Variants in TOX3 observed in about 807,000 individuals in gnomAD.
TOX3 encodes CAG trinucleotide repeat-containing gene F9 protein.
A neutral mutation model predicts 64.3 loss-of-function variants in TOX3; 22 were observed. The ratio of observed to expected loss-of-function variants is 0.34; its 90% CI spans 0.24 to 0.49. The LOEUF is 0.49. TOX3 is among the 20% of genes least tolerant of loss of function. The pLI is 0.99. For missense variants in TOX3, 661 were observed against 714.4 expected (o/e 0.93, Z 0.85); for synonymous variants, 291 against 273.6 (o/e 1.06, Z -0.63).
At chr16:52,537,878 T>TAAAAAAAAAAAAAAAAAAAA (rs57403617) in intron 1 of TOX3, among the ~76,000 whole-genome samples, 29 of 110,958 alleles carry the variant, frequency 2.6e-4, no homozygotes, top group South Asian at 6.1e-4. Context: ...GCTGATATGA[T>TAAAAAAAAAAAAAAAAAAAA]AAAAAAAAAA....
chr16:52,494,998 AC>A (rs1961802369), intron 1 of TOX3, among the ~76,000 whole-genome samples: 1 of 152,172 alleles, frequency 6.6e-6, no homozygotes, highest in African/African-American at 2.4e-5. Flanking sequence ...CAGGCTTACT[AC>A]CTGCTGTGGG....
intron 1 of TOX3, among the ~76,000 whole-genome samples, chr16:52,510,671 G>A (rs45562631): frequency 0.016 from 2,302 of 147,250 alleles, 31 homozygotes; most frequent in South Asian, 0.029. Context: ...CAGGAGAACC[G>A]CTTGAACCTG....
chr16:52,457,480 A>G (rs1305522689), intron 3 of TOX3, among the ~76,000 whole-genome samples: 2 of 152,188 alleles, frequency 1.3e-5, no homozygotes, highest in African/African-American at 4.8e-5. Context: ...GAAGCAACTA[A>G]CCCAAATATA....
chr16:52,504,817 GA>G (rs1962115167), intron 1 of TOX3, among the ~76,000 whole-genome samples: 1 of 135,700 alleles, frequency 7.4e-6, no homozygotes, highest in Non-Finnish European at 1.6e-5. Flanking sequence ...ATTTAAAGAA[GA>G]GGGTCTTTTT....
intron 3 of TOX3, among the ~76,000 whole-genome samples, chr16:52,458,514 T>C (rs1188600086): frequency 6.6e-6 from 1 of 152,216 alleles, no homozygotes; most frequent in East Asian, 1.9e-4. Flanking sequence ...AGTACTACAA[T>C]ACTTAACTGT....
At chr16:52,485,494 G>C (rs528326599) in intron 1 of TOX3, among the ~76,000 whole-genome samples, 1 of 151,784 alleles carries the variant, frequency 6.6e-6, no homozygotes, top group Non-Finnish European at 1.5e-5. Flanking sequence ...AAGGACGTTG[G>C]GGGGTGATGA....
At chr16:52,450,856 GGAAA>G (rs1960324114) in intron 3 of TOX3, among the ~76,000 whole-genome samples, 3 of 122,178 alleles carry the variant, frequency 2.5e-5, no homozygotes, top group Middle Eastern at 5.2e-3. Flanking sequence ...AAGGAAGGAA[GGAAA>G]AAAAGAAGAA....
At chr16:52,490,280 G>C (rs1961643916) in intron 1 of TOX3, among the ~76,000 whole-genome samples, 1 of 152,130 alleles carries the variant, frequency 6.6e-6, no homozygotes, top group Admixed American at 6.5e-5. Context: ...CTTCTGCCAT[G>C]ATTGTAAGTT....
chr16:52,526,282 C>T (rs891697404), intron 1 of TOX3, among the ~76,000 whole-genome samples: 10 of 152,126 alleles, frequency 6.6e-5, no homozygotes, highest in Non-Finnish European at 1.5e-5. Context: ...ATAGCCAAGG[C>T]AGGAGATTAC....
chr16:52,439,524 G>T lies in TOX3; in HGVS notation c.1432C>A (p.Gln478Lys). The change falls in exon 7 of 7, where the codon CAG (glutamine) becomes AAG (lysine). Residue 478 changes from glutamine to lysine, a missense_variant. Gln to Lys is a moderately conservative substitution (Grantham distance 53). This residue lies in a region of TOX3 where 299 missense variants were observed against 292.1 expected (regional missense o/e 1.02). Transcript: ENST00000219746. Reference sequence around the variant, plus strand: ...ATGTGGTGCTGGAAATGCTGCTGCTGCATCTGCTGCTGGATTTGCTGATGC... The same window carrying T: ...ATGTGGTGCTGGAAATGCTGCTGCTTCATCTGCTGCTGGATTTGCTGATGC... ...QMHQQIQQQM[Q>K]QQHFQHHMQQ... 7.0e-7 allele frequency: 1 copy of T among 1,423,296 alleles called. No homozygotes were observed. The highest frequency in any genetic ancestry group is 9.7e-7 in the Non-Finnish European group (1 of 1,029,540). 88.2% of individuals were successfully genotyped at this position (1,423,296 alleles called of 1,614,324 possible). A position where few individuals can be genotyped will look rare whatever the true frequency, so the allele number is the denominator to read the frequency against.
At chr16:52,537,879 A>T (rs1355432706) in intron 1 of TOX3, among the ~76,000 whole-genome samples, 2 of 21,012 alleles carry the variant, frequency 9.5e-5, no homozygotes, top group African/African-American at 8.1e-4. Flanking sequence ...CTGATATGAT[A>T]AAAAAAAAAA....
At chr16:52,529,252 T>C (rs1392691612) in intron 1 of TOX3, among the ~76,000 whole-genome samples, 1 of 152,246 alleles carries the variant, frequency 6.6e-6, no homozygotes, top group East Asian at 1.9e-4. Context: ...AAATAAATTC[T>C]AGCAAGTACT....
At chr16:52,536,672 T>TATAC (rs1962954505) in intron 1 of TOX3, among the ~76,000 whole-genome samples, 1 of 99,866 alleles carries the variant, frequency 1.0e-5, no homozygotes, top group African/African-American at 3.6e-5. Context: ...TATATATATA[T>TATAC]ATATACATGT....
intron 1 of TOX3, among the ~76,000 whole-genome samples, chr16:52,526,133 C>T (rs779480948): frequency 5.3e-5 from 8 of 152,184 alleles, no homozygotes; most frequent in Non-Finnish European, 8.8e-5. Context: ...ATCTGGTCAT[C>T]AATAACCAAA....
At chr16:52,525,570 A>C (rs1270149080) in intron 1 of TOX3, among the ~76,000 whole-genome samples, 1 of 152,218 alleles carries the variant, frequency 6.6e-6, no homozygotes, top group East Asian at 1.9e-4. Flanking sequence ...TGGGGGCATG[A>C]ACTACAAAGG....
intron 1 of TOX3, among the ~76,000 whole-genome samples, chr16:52,506,379 C>G (rs1962163428): frequency 6.6e-6 from 1 of 152,110 alleles, no homozygotes; most frequent in Non-Finnish European, 1.5e-5. Flanking sequence ...GAAGGTAAAC[C>G]ATCTCTCAAA....
At chr16:52,545,916 G>A (rs1401897657) in intron 1 of TOX3, among the ~76,000 whole-genome samples, 1 of 152,196 alleles carries the variant, frequency 6.6e-6, no homozygotes. Flanking sequence ...GGGGGAGGTG[G>A]AGAAGGTGGA....
intron 3 of TOX3, among the ~76,000 whole-genome samples, chr16:52,453,464 A>G (rs1960419236): frequency 6.6e-6 from 1 of 152,170 alleles, no homozygotes; most frequent in Non-Finnish European, 1.5e-5. Context: ...GATTACAGGC[A>G]TGAGGCACCG....
At chr16:52,477,818 G>A (rs1034185577) in intron 1 of TOX3, among the ~76,000 whole-genome samples, 17 of 152,122 alleles carry the variant, frequency 1.1e-4, no homozygotes, top group Middle Eastern at 3.2e-3. Flanking sequence ...GTATTATAAC[G>A]TCACCTTTTC....
Sources: gnomAD v4.1 joint callset for allele counts (sites outside exome capture counted in the v4.1 genomes callset) on GRCh38, gnomAD v4.1.1 for gene constraint, gnomAD v4.1.1 regional missense constraint, MANE v1.5 for transcripts, NCBI Gene and HGNC (gene_info 2026-07-23, HGNC 2026-07-21) for gene names.